LMBR1: variants seen among roughly 807,000 people sequenced by gnomAD.
The protein encoded by LMBR1 is limb development membrane protein 1, also known as limb region 1 protein homolog.
In LMBR1, 52 loss-of-function variants were observed where a neutral mutation model predicts 73.9. The ratio of observed to expected loss-of-function variants is 0.70; its 90% confidence interval spans 0.56 to 0.89. LMBR1 has a LOEUF of 0.89. Among genes scored for constraint, LMBR1 ranks in the 40% least tolerant of loss-of-function variants. LMBR1 has a pLI of 0.00. For missense variants in LMBR1, 539 were observed against 579.8 expected (o/e 0.93, Z 0.72); for synonymous variants, 215 against 209.4 (o/e 1.03, Z -0.23).
At chr7:156,673,350 G>GT (rs1803009895), downstream of LMBR1, among the ~76,000 whole-genome samples, 1 of 152,170 alleles carries the variant, frequency 6.6e-6, no homozygotes. Context: ...ATATTTCCAA[G>GT]TAATTTTTCC....
In LMBR1 at chr7:156,826,686, A is replaced by G. The variant is rs369093558; in HGVS notation, c.238T>C (p.Phe80Leu). The G allele has an allele frequency of 6.2e-7, 1 of 1,611,468 alleles. No individual in the cohort carries two copies. Among genetic ancestry groups the G allele is most frequent in the African/African-American group, 1.3e-5 (1 of 75,032 alleles). The change falls in exon 4 of 17, where the codon TTC becomes CTC. Residue 80 changes from phenylalanine (F) to leucine (L), a missense_variant. Phe to Leu is a conservative substitution (Grantham distance 22). Transcript: ENST00000353442. ...VSAGAVLLLP[F>L]SIISNEILLS... ...AGGATTTCATTGCTGATGATTGAGA[A>G]GGGTAAAAGCAAAACAGCCCCAGCT...
intron 1 of LMBR1, among the ~76,000 whole-genome samples, chr7:156,872,818 GA>G (rs1205705822): frequency 2.0e-5 from 3 of 152,170 alleles, no homozygotes; most frequent in African/African-American, 7.2e-5. Flanking sequence ...GTAGTGTGTG[GA>G]GACTCACATC....
chr7:156,677,745 G>A (rs1219136877), downstream of LMBR1: 1 of 152,166 alleles, frequency 6.6e-6, no homozygotes, highest in Non-Finnish European at 1.5e-5. Context: ...AGCTACATAT[G>A]TATGTATCAT....
At chr7:156,828,107 T>C (rs1382684353) in intron 3 of LMBR1, among the ~76,000 whole-genome samples, 1 of 152,160 alleles carries the variant, frequency 6.6e-6, no homozygotes, top group Non-Finnish European at 1.5e-5. Context: ...TATGCTAAAA[T>C]TGAGATCAAA....
chr7:156,707,021 A>G (rs1419791519), intron 15 of LMBR1, among the ~76,000 whole-genome samples: 1 of 152,020 alleles, frequency 6.6e-6, no homozygotes, highest in Non-Finnish European at 1.5e-5. Context: ...AAGAGACAAC[A>G]CAAAGAAAAT....
At chr7:156,818,727 T>G (rs1279955613) in intron 4 of LMBR1, among the ~76,000 whole-genome samples, 1 of 152,172 alleles carries the variant, frequency 6.6e-6, no homozygotes, top group Non-Finnish European at 1.5e-5. Flanking sequence ...AAAGCAGCTG[T>G]ATCATTGTTT....
Position 156,683,941 on chromosome 7 carries a change from GA to G in LMBR1, c.*136del, listed in dbSNP as rs146572018. ...CATAGCCAAGTTCTTCGTAGATTAT[GA>G]AAAAAAAATGGCACTGATAGGTCTA... is the stretch of plus-strand genomic sequence containing the variant. On this transcript the variant is annotated 3_prime_UTR_variant, in exon 17 of 17. Coordinates refer to ENST00000353442, the MANE Select transcript of LMBR1 (RefSeq NM_022458.4). 123 of 674,180 alleles carry G rather than the reference GA, an allele frequency of 1.8e-4. No individual in the cohort carries two copies. Among genetic ancestry groups the G allele is most frequent in the Middle Eastern group, 7.9e-4 (2 of 2,536 alleles). The allele number at this position is 674,180 out of a possible 1,614,324, so 41.8% of individuals were successfully genotyped here. A position where few individuals can be genotyped will look rare whatever the true frequency, so the allele number is the denominator to read the frequency against.
At chr7:156,819,092 AT>A in intron 4 of LMBR1, among the ~76,000 whole-genome samples, 1 of 152,168 alleles carries the variant, frequency 6.6e-6, no homozygotes, top group East Asian at 1.9e-4. Flanking sequence ...TCTGTATCAC[AT>A]TTTTCAAGCT....
chr7:156,840,277 T>C (rs1186954164), intron 1 of LMBR1, among the ~76,000 whole-genome samples: 1 of 152,100 alleles, frequency 6.6e-6, no homozygotes, highest in Non-Finnish European at 1.5e-5. Flanking sequence ...GTGTGTCGTA[T>C]GATAATTATG....
At chr7:156,800,710 A>G (rs1830823882) in intron 4 of LMBR1, among the ~76,000 whole-genome samples, 1 of 152,188 alleles carries the variant, frequency 6.6e-6, no homozygotes, top group Admixed American at 6.5e-5. Flanking sequence ...CCTCTGATGG[A>G]TTGTGCAAAG....
chr7:156,820,148 C>T (rs1322996296), intron 4 of LMBR1, among the ~76,000 whole-genome samples: 1 of 152,132 alleles, frequency 6.6e-6, no homozygotes, highest in Non-Finnish European at 1.5e-5. Flanking sequence ...TTAAGCTTAA[C>T]TAGGTGGTGA....
chr7:156,867,312 G>A (rs1207971809), intron 1 of LMBR1, among the ~76,000 whole-genome samples: 5 of 152,226 alleles, frequency 3.3e-5, no homozygotes, highest in African/African-American at 1.2e-4. Context: ...AACATTGGTG[G>A]TAGAAATGTG....
chr7:156,831,367 A>T (rs1365617382), intron 3 of LMBR1, among the ~76,000 whole-genome samples: 5 of 151,288 alleles, frequency 3.3e-5, no homozygotes, highest in Non-Finnish European at 7.4e-5. Context: ...ACAGAAAGTG[A>T]ATATTTGTTT....
At chr7:156,700,630 T>C (rs1809465849) in intron 15 of LMBR1, among the ~76,000 whole-genome samples, 1 of 152,196 alleles carries the variant, frequency 6.6e-6, no homozygotes, top group South Asian at 2.1e-4. Context: ...GCCTGGACTT[T>C]ATTGTCCATA....
intron 1 of LMBR1, among the ~76,000 whole-genome samples, chr7:156,848,396 A>G (rs947826501): frequency 1.3e-5 from 2 of 152,240 alleles, no homozygotes. Context: ...ACACTTTTCA[A>G]AAGAAGACAT....
chr7:156,725,612 G>T, intron 13 of LMBR1, 87 bp from the exon 14 acceptor site: 1 of 1,240,244 alleles, frequency 8.1e-7, no homozygotes, highest in Non-Finnish European at 1.1e-6. Flanking sequence ...AGGCCCATAG[G>T]AAAAGCAAAA....
intron 15 of LMBR1, among the ~76,000 whole-genome samples, chr7:156,720,236 A>G (rs573194508): frequency 2.6e-5 from 4 of 152,256 alleles, no homozygotes; most frequent in South Asian, 4.1e-4. Context: ...CAGAATCTAC[A>G]ATGAACTCAA....
At chr7:156,842,975 C>G (rs1192199213) in intron 1 of LMBR1, among the ~76,000 whole-genome samples, 1 of 152,178 alleles carries the variant, frequency 6.6e-6, no homozygotes, top group Non-Finnish European at 1.5e-5. Flanking sequence ...TTTCACCACT[C>G]ACTCCTTCCA....
chr7:156,852,836 A>T (rs1034957497), intron 1 of LMBR1, among the ~76,000 whole-genome samples: 1 of 152,236 alleles, frequency 6.6e-6, no homozygotes, highest in Non-Finnish European at 1.5e-5. Context: ...CAACAGTGCC[A>T]ACGTTGAGAA....
Sources: gnomAD v4.1 joint callset for allele counts (sites outside exome capture counted in the v4.1 genomes callset) on GRCh38, gnomAD v4.1.1 for gene constraint, MANE v1.5 for transcripts, NCBI Gene and HGNC (gene_info 2026-07-23, HGNC 2026-07-21) for gene names.